TGFBI: variants seen among roughly 807,000 people sequenced by gnomAD.
TGFBI encodes the protein transforming growth factor-beta-induced protein ig-h3.
Under a neutral mutation model 73.7 loss-of-function variants are expected in TGFBI, and 50 were observed. That is an observed-to-expected ratio of 0.68 (90% CI 0.54 to 0.86). TGFBI has a LOEUF of 0.86. TGFBI is among the 40% of genes least tolerant of loss of function. TGFBI has a pLI of 0.00. For synonymous variants in TGFBI, 362 were observed against 360.5 expected (o/e 1.00, Z -0.05); for missense variants, 839 against 877.0 (o/e 0.96, Z 0.55).
At chr5:136,029,851 T>C (rs925530082) in intron 1 of TGFBI, among the ~76,000 whole-genome samples, 5 of 152,184 alleles carry the variant, frequency 3.3e-5, no homozygotes, top group Admixed American at 3.3e-4. Flanking sequence ...TTTCCCACAG[T>C]CCTGAAGTGT....
At chr5:136,033,911 C>T (rs768438132) in intron 2 of TGFBI, 50 bp downstream of exon 2, 3 of 1,477,388 alleles carry the variant, frequency 2.0e-6, no homozygotes, top group South Asian at 1.2e-5. Context: ...ACGCTGGCTG[C>T]AGTTCCCCAG....
intron 12 of TGFBI, 44 bp downstream of exon 12, chr5:136,056,839 T>G: frequency 6.4e-7 from 1 of 1,571,652 alleles, no homozygotes; most frequent in South Asian, 1.1e-5. Context: ...TCTAAAGTAG[T>G]GATCCCTCAG....
intron 6 of TGFBI, chr5:136,047,709 G>A (rs2126909895): frequency 2.8e-6 from 1 of 360,604 alleles, no homozygotes; most frequent in Non-Finnish European, 5.1e-6. Context: ...CCCTGGACCT[G>A]CACTGTGGCT....
intron 3 of TGFBI, among the ~76,000 whole-genome samples, chr5:136,045,111 G>A (rs1751405498): frequency 6.6e-6 from 1 of 152,144 alleles, no homozygotes; most frequent in Non-Finnish European, 1.5e-5. Flanking sequence ...TTTTAGTTAA[G>A]AATGTGAGAC....
chr5:136,045,407 T>C (rs553304591), intron 3 of TGFBI, among the ~76,000 whole-genome samples: 5 of 152,060 alleles, frequency 3.3e-5, no homozygotes, highest in African/African-American at 1.2e-4. Flanking sequence ...TAGCTGGGTG[T>C]GGTGGTGGGC....
At chr5:136,057,281 G>A (rs1057057198) in intron 12 of TGFBI, among the ~76,000 whole-genome samples, 2 of 152,158 alleles carry the variant, frequency 1.3e-5, no homozygotes, top group Non-Finnish European at 1.5e-5. Flanking sequence ...GGGTGGCTGC[G>A]ACCAGCCCAG....
At chr5:136,059,854 G>C (rs1990199) in intron 13 of TGFBI, among the ~76,000 whole-genome samples, 88,050 of 152,020 alleles carry the variant, frequency 0.58, 27,531 homozygotes, top group African/African-American at 0.83. Flanking sequence ...AGTTTCTCAC[G>C]AGGAGCATAG....
chr5:136,051,391 C>T (rs1003976222), intron 7 of TGFBI, among the ~76,000 whole-genome samples: 3 of 152,104 alleles, frequency 2.0e-5, no homozygotes, highest in Non-Finnish European at 4.4e-5. Context: ...GATCATGCCA[C>T]TGCACTCCAG....
chr5:136,045,695 C>A (rs541041035), intron 3 of TGFBI: 1 of 151,976 alleles, frequency 6.6e-6, no homozygotes, highest in African/African-American at 2.4e-5. Context: ...AGTGGAGGGA[C>A]AGGTGGGGAA....
At chr5:136,048,956 T>C (rs1466897929) in intron 6 of TGFBI, 1 of 154,778 alleles carries the variant, frequency 6.5e-6, no homozygotes, top group Non-Finnish European at 1.4e-5. Context: ...GGTGGTGTGA[T>C]CCTTCCATGC....
intron 3 of TGFBI, among the ~76,000 whole-genome samples, chr5:136,044,372 C>T (rs1344446967): frequency 6.6e-6 from 1 of 152,244 alleles, no homozygotes; most frequent in African/African-American, 2.4e-5. Flanking sequence ...CCAACTGTGG[C>T]CTGTCCATGC....
chr5:136,046,254 G>A (rs1023132928), intron 3 of TGFBI, 81 bp from the exon 4 acceptor site: 53 of 1,541,724 alleles, frequency 3.4e-5, no homozygotes, highest in Middle Eastern at 1.7e-4. Flanking sequence ...TAGATGTACC[G>A]TGCTCTCTGT....
At chr5:136,031,930 G>T (rs1580706955) in intron 1 of TGFBI, among the ~76,000 whole-genome samples, 1 of 152,202 alleles carries the variant, frequency 6.6e-6, no homozygotes, top group East Asian at 1.9e-4. Flanking sequence ...GCAAAGGAAT[G>T]TTGGAGCCAC....
At chr5:136,053,792 G>A in intron 8 of TGFBI, 151 bp from the exon 9 acceptor site, 1 of 1,133,812 alleles carries the variant, frequency 8.8e-7, no homozygotes, top group Non-Finnish European at 1.2e-6. Flanking sequence ...TTCCCCTGAT[G>A]ACACAAGCCC....
At chr5:136,047,962 A>G (rs905047570) in intron 6 of TGFBI, 2 of 152,712 alleles carry the variant, frequency 1.3e-5, no homozygotes, top group African/African-American at 4.8e-5. Context: ...CCCAGCAGGC[A>G]TTTGTCTTAC....
chr5:136,058,018 G>T (rs546177411), intron 12 of TGFBI, among the ~76,000 whole-genome samples: 22 of 152,236 alleles, frequency 1.4e-4, no homozygotes, highest in African/African-American at 5.3e-4. Flanking sequence ...CCTCCCCCAG[G>T]CCTGAGGCAC....
At position 136,060,819 on chromosome 5, in the gene TGFBI, C is replaced by T; in HGVS notation, c.1804-15C>T. ...AAATGCTCTACTTTCAACCACTACT[C>T]TGTTTTTCTTTTAGAAAAACAATGT... is the stretch of plus-strand genomic sequence containing the variant. On this transcript the variant is annotated splice_polypyrimidine_tract_variant and intron_variant, in intron 13 of 16. Transcript: ENST00000442011. 2 of 1,573,672 alleles carry T rather than the reference C, an allele frequency of 1.3e-6. No individual in the cohort carries two copies. Among genetic ancestry groups the T allele is most frequent in the Non-Finnish European group, 8.7e-7 (1 of 1,149,632 alleles).
intron 1 of TGFBI, among the ~76,000 whole-genome samples, chr5:136,030,156 G>C (rs1362058406): frequency 6.6e-6 from 1 of 152,218 alleles, no homozygotes; most frequent in African/African-American, 2.4e-5. Flanking sequence ...AACTATATAT[G>C]AGTAGAATCT....
intron 13 of TGFBI, 71 bp downstream of exon 13, chr5:136,059,285 A>G: frequency 6.4e-7 from 1 of 1,571,288 alleles, no homozygotes; most frequent in Non-Finnish European, 8.6e-7. Flanking sequence ...TCTCACCCCC[A>G]GGATGGAATT....
Sources: allele counts gnomAD v4.1 joint callset (sites outside exome capture counted in the v4.1 genomes callset), GRCh38; gene constraint gnomAD v4.1.1; transcripts MANE v1.5; gene names NCBI Gene and HGNC (gene_info 2026-07-23, HGNC 2026-07-21).